The following LY9 variants were observed in gnomAD, a reference collection of about 807,000 sequenced individuals.
LY9 encodes T-lymphocyte surface antigen Ly-9.
A neutral mutation model predicts 64.6 loss-of-function variants in LY9; 59 were observed. The ratio of observed to expected loss-of-function variants is 0.91; its 90% CI spans 0.74 to 1.13. LY9 has a LOEUF of 1.13. LY9 is among the 50% of genes most tolerant of loss of function. The pLI is 0.00. For missense variants in LY9, 789 were observed against 797.2 expected (o/e 0.99, Z 0.12); for synonymous variants, 281 against 308.5 (o/e 0.91, Z 0.93).
intron 2 of LY9, chr1:160,810,483 TCGG>T (rs1220155538): frequency 6.6e-6 from 1 of 152,212 alleles, no homozygotes; most frequent in Non-Finnish European, 1.5e-5. Flanking sequence ...TATAAGCACA[TCGG>T]TCATACTGTA....
intron 6 of LY9, among the ~76,000 whole-genome samples, chr1:160,818,532 T>C (rs1475899759): frequency 6.6e-6 from 1 of 151,972 alleles, no homozygotes. Flanking sequence ...AAAAAAGGCA[T>C]GTGGGAGCAG....
chr1:160,813,989 T>C, intron 3 of LY9, 78 bp downstream of exon 3: 2 of 1,438,704 alleles, frequency 1.4e-6, no homozygotes, highest in South Asian at 1.3e-5. Context: ...CCTAGGATCC[T>C]GGTCAGACAC....
At chr1:160,821,099 G>C (rs891646112) in intron 7 of LY9, among the ~76,000 whole-genome samples, 11 of 135,838 alleles carry the variant, frequency 8.1e-5, no homozygotes, top group Admixed American at 4.3e-4. Flanking sequence ...GTTGCAGTGA[G>C]CTGAGACTGC....
intron 9 of LY9, among the ~76,000 whole-genome samples, chr1:160,827,302 T>C (rs1668905777): frequency 1.3e-5 from 2 of 152,118 alleles, no homozygotes; most frequent in Admixed American, 1.3e-4. Context: ...CCCTGAACAC[T>C]CTCAGACAGG....
intron 9 of LY9, 61 bp downstream of exon 9, chr1:160,824,310 C>T: frequency 6.3e-7 from 1 of 1,597,360 alleles, no homozygotes. Flanking sequence ...ATTCCTTAGA[C>T]CCTTTGAACT....
intron 2 of LY9, among the ~76,000 whole-genome samples, chr1:160,803,088 A>C (rs548754): frequency 0.98 from 149,599 of 152,158 alleles, 73,608 homozygotes; most frequent in East Asian, 1. Flanking sequence ...TCGAGACCAG[A>C]CTGGCTAACA....
At position 160,813,845 on chromosome 1, in the gene LY9, T is replaced by A; in HGVS notation, c.664T>A (p.Cys222Ser). 1 of 1,614,178 alleles carries A rather than the reference T, an allele frequency of 6.2e-7. No homozygotes were observed. Among genetic ancestry groups the A allele is most frequent in the Non-Finnish European group, 8.5e-7 (1 of 1,180,026 alleles). The change falls in exon 3 of 10, where the codon TGC becomes AGC. Residue 222 changes from cysteine to serine, a missense_variant. By Grantham distance (112) the Cys-to-Ser change is moderately radical (BLOSUM62 -1). Transcript: ENST00000263285. ...ATGTGACCCAGACCTGCCATACATC[T>A]GCACAGCCCAGAACCCCGTCAGCCA... Reference protein sequence around the residue: ...TPCDPDLPYICTAQNPVSQRS... With the variant: ...TPCDPDLPYISTAQNPVSQRS...
intron 2 of LY9, among the ~76,000 whole-genome samples, chr1:160,805,328 T>A (rs538516609): frequency 5.2e-4 from 79 of 152,260 alleles, no homozygotes; most frequent in South Asian, 1.0e-3. Flanking sequence ...GAACTTTTTT[T>A]AAATTTCCAT....
chr1:160,825,918 A>G (rs1001973100), intron 9 of LY9, among the ~76,000 whole-genome samples: 64 of 151,802 alleles, frequency 4.2e-4, no homozygotes, highest in Middle Eastern at 3.4e-3. Context: ...CTCAAAAAAA[A>G]AGAAAAGACT....
chr1:160,808,650 G>T (rs1014477219), intron 2 of LY9, among the ~76,000 whole-genome samples: 3 of 152,148 alleles, frequency 2.0e-5, no homozygotes, highest in Non-Finnish European at 4.4e-5. Flanking sequence ...GGCTGTCTCT[G>T]TTCCTTCTCC....
rs1666273372 is a variant in LY9 at position 160,799,827 on chromosome 1, CT to C, written c.200del (p.Leu67GlnfsTer5). Reference protein sequence around the residue: ...GILGGSVTLPLNISVDTEIEN... With the variant: ...GILGGSVTLPXNISVDTEIEN... ...CCTAGGGGGTTCCGTGACTCTCCCC[CT>C]AAACATCTCAGTAGACACAGAGATT... On this transcript the variant is annotated frameshift_variant, in exon 2 of 10. Coordinates refer to ENST00000263285, the MANE Select transcript of LY9 (RefSeq NM_002348.4). LOFTEE classifies it high-confidence loss of function. 3 of 1,614,012 alleles carry C rather than the reference CT, an allele frequency of 1.9e-6. No homozygotes were observed. Among genetic ancestry groups the C allele is most frequent in the South Asian group, 2.2e-5 (2 of 91,080 alleles).
chr1:160,805,798 C>CTG (rs1328724868), intron 2 of LY9, among the ~76,000 whole-genome samples: 4 of 151,342 alleles, frequency 2.6e-5, no homozygotes, highest in Non-Finnish European at 4.4e-5. Flanking sequence ...CTCTCACTCT[C>CTG]TCTCTGGTAA....
At chr1:160,824,276 C>T in intron 9 of LY9, 27 bp downstream of exon 9, 6 of 1,613,738 alleles carry the variant, frequency 3.7e-6, no homozygotes, top group African/African-American at 1.3e-5. Context: ...TCTCTGTATC[C>T]CAAGGCCCAC....
intron 2 of LY9, among the ~76,000 whole-genome samples, chr1:160,804,613 A>C (rs953137334): frequency 5.9e-5 from 9 of 152,208 alleles, no homozygotes; most frequent in African/African-American, 1.9e-4. Flanking sequence ...GAATGAGTTA[A>C]GGAAAATTCC....
chr1:160,797,240 C>T lies in LY9; in HGVS notation c.124+929C>T, dbSNP rs557188457. ...GTGGCAGCTACTGTCCTTCTGTGCTCCCGCTTTCTCCAGGGCTTCAGGGAT... is the reference window on the plus strand; with the variant it reads ...GTGGCAGCTACTGTCCTTCTGTGCTTCCGCTTTCTCCAGGGCTTCAGGGAT... On this transcript the variant is annotated intron_variant, in intron 1 of 9. Coordinates refer to ENST00000263285, the MANE Select transcript of LY9 (RefSeq NM_002348.4). 242 of 985,528 alleles carry T rather than the reference C, an allele frequency of 2.5e-4. 2 individuals carry two copies. The African/African-American group carries it at 3.9e-3, about 16-fold the overall frequency. The allele number at this position is 985,528 out of a possible 1,614,324, so 61.0% of individuals were successfully genotyped here. A position where few individuals can be genotyped will look rare whatever the true frequency, so the allele number is the denominator to read the frequency against.
intron 1 of LY9, chr1:160,797,049 T>A: frequency 1.1e-6 from 1 of 935,106 alleles, no homozygotes. Context: ...TAGGTGACCA[T>A]GGGCAAGGTG....
intron 9 of LY9, among the ~76,000 whole-genome samples, chr1:160,827,237 C>A (rs1668901583): frequency 6.6e-6 from 1 of 152,168 alleles, no homozygotes; most frequent in South Asian, 2.1e-4. Flanking sequence ...GTTGCTGGTA[C>A]CCAACCTCCC....
chr1:160,809,412 C>T (rs1011623676), intron 2 of LY9, among the ~76,000 whole-genome samples: 36 of 151,712 alleles, frequency 2.4e-4, no homozygotes, highest in African/African-American at 8.5e-4. Context: ...ATTTTGTTGT[C>T]CAGGCTAGTC....
At chr1:160,809,644 C>T (rs889635134) in intron 2 of LY9, 1 of 151,572 alleles carries the variant, frequency 6.6e-6, no homozygotes, top group African/African-American at 2.4e-5. Flanking sequence ...TTACAGGCAC[C>T]ACTGCACCTA....
Sources: gnomAD v4.1 joint callset for allele counts (sites outside exome capture counted in the v4.1 genomes callset) on GRCh38, gnomAD v4.1.1 for gene constraint, MANE v1.5 for transcripts, NCBI Gene and HGNC (gene_info 2026-07-23, HGNC 2026-07-21) for gene names.